CCDC62: variants seen among roughly 807,000 people sequenced by gnomAD.
CCDC62 encodes the protein coiled-coil domain containing 62, also known as coiled-coil domain-containing protein 62.
CCDC62 carries 72 observed loss-of-function variants against 80.8 expected under a neutral mutation model. That is an observed-to-expected ratio of 0.89 (90% CI 0.74 to 1.08). CCDC62 has a LOEUF of 1.08. Among genes scored for constraint, CCDC62 ranks in the 50% least tolerant of loss-of-function variants. The pLI, the probability that CCDC62 is intolerant of heterozygous loss-of-function variation, is 0.00. For missense variants in CCDC62, 704 were observed against 809.4 expected, an observed-to-expected ratio of 0.87 and a Z score of 1.58; for synonymous variants, 286 against 296.5, an observed-to-expected ratio of 0.96 and a Z score of 0.36.
intron 12 of CCDC62, among the ~76,000 whole-genome samples, chr12:122,824,107 G>A (rs1303397341): frequency 6.6e-6 from 1 of 151,914 alleles, no homozygotes; most frequent in East Asian, 1.9e-4. Context: ...TAATTATCAG[G>A]GGAATGCAAA....
At chr12:122,824,538 A>C (rs1394072728) in intron 12 of CCDC62, among the ~76,000 whole-genome samples, 1 of 152,232 alleles carries the variant, frequency 6.6e-6, no homozygotes, top group Non-Finnish European at 1.5e-5. Flanking sequence ...ATGTGGTAAA[A>C]AGGGAACACT....
chr12:122,775,804 G>A (rs1336554519), intron 1 of CCDC62, among the ~76,000 whole-genome samples: 1 of 152,188 alleles, frequency 6.6e-6, no homozygotes, highest in Non-Finnish European at 1.5e-5. Context: ...GTAGAGACAG[G>A]GTTTCGCCAT....
chr12:122,782,475 T>C (rs2029925906), intron 3 of CCDC62, among the ~76,000 whole-genome samples: 1 of 152,302 alleles, frequency 6.6e-6, no homozygotes, highest in Admixed American at 6.5e-5. Flanking sequence ...GTGTTTTTTT[T>C]GAGATGGAGT....
Position 122,781,271 on chromosome 12 carries a change from C to A in CCDC62, c.337C>A (p.Gln113Lys). ...CQTALQKTQL[Q>K]LQEMAQKATH... is the part of the protein sequence containing the mutation. ...AACAGCTCTCCAAAAGACCCAACTACAGCTTCAGGAAATGGCTCAAAAGGC... is the reference window on the plus strand; with the variant it reads ...AACAGCTCTCCAAAAGACCCAACTAAAGCTTCAGGAAATGGCTCAAAAGGC... The change falls in exon 3 of 13, where the codon CAG becomes AAG. Residue 113 changes from glutamine to lysine, a missense_variant. Physicochemically the swap from Gln to Lys is moderately conservative, Grantham distance 53. Coordinates refer to ENST00000253079, the MANE Select transcript of CCDC62 (RefSeq NM_201435.5). The A allele has an allele frequency of 6.2e-7, 1 of 1,614,100 alleles. No homozygotes were observed. Among genetic ancestry groups the A allele is most frequent in the Non-Finnish European group, 8.5e-7 (1 of 1,179,952 alleles).
In CCDC62 at chr12:122,774,583, G is replaced by GC. The variant is rs980255869; in HGVS notation, c.-83dup. 1.9e-5 allele frequency: 20 copies of GC among 1,050,204 alleles called. No homozygotes were observed. The African/African-American group carries it at 2.7e-4, about 14-fold the overall frequency. 65.1% of individuals were successfully genotyped at this position (1,050,204 alleles called of 1,614,324 possible). Reference sequence around the variant, plus strand: ...CGCGGGGCCCCGGGGCTCCGGGCTCGCCCCCGCCGCTCGGGGCAGGCGCGC... The same window carrying GC: ...CGCGGGGCCCCGGGGCTCCGGGCTCGCCCCCCGCCGCTCGGGGCAGGCGCGC... On this transcript the variant is annotated 5_prime_UTR_variant, in exon 1 of 13. Coordinates refer to ENST00000253079, the MANE Select transcript of CCDC62 (RefSeq NM_201435.5).
chr12:122,795,582 C>CAA (rs2135550756), intron 6 of CCDC62, among the ~76,000 whole-genome samples: 2 of 152,106 alleles, frequency 1.3e-5, no homozygotes, highest in East Asian at 3.9e-4. Context: ...CGCCACCATG[C>CAA]CCAGCTAATT....
chr12:122,802,607 T>C (rs1244750245), intron 9 of CCDC62, among the ~76,000 whole-genome samples: 2 of 151,736 alleles, frequency 1.3e-5, no homozygotes, highest in East Asian at 3.9e-4. Flanking sequence ...AAAGATGGGG[T>C]CTCACCATAT....
intron 11 of CCDC62, among the ~76,000 whole-genome samples, chr12:122,816,577 T>A (rs898270169): frequency 6.6e-6 from 1 of 152,082 alleles, no homozygotes; most frequent in Non-Finnish European, 1.5e-5. Flanking sequence ...TAAAAAATTT[T>A]TTTTAATTAG....
chr12:122,806,120 A>G, intron 9 of CCDC62, 31 bp from the exon 10 acceptor site: 3 of 1,592,664 alleles, frequency 1.9e-6, no homozygotes, highest in Non-Finnish European at 2.6e-6. Flanking sequence ...GTTTTAAGAT[A>G]TTTGTTTTTG....
chr12:122,798,449 A>G (rs1354753699), intron 8 of CCDC62, among the ~76,000 whole-genome samples: 2 of 152,022 alleles, frequency 1.3e-5, no homozygotes, highest in East Asian at 3.9e-4. Flanking sequence ...CTAAAAATAC[A>G]AACATTAGCC....
intron 10 of CCDC62, among the ~76,000 whole-genome samples, chr12:122,808,199 A>G (rs1227226358): frequency 5.3e-5 from 8 of 152,154 alleles, no homozygotes; most frequent in Non-Finnish European, 8.8e-5. Context: ...CAGGATGCTG[A>G]GGCAGAAGAA....
At chr12:122,813,217 G>A in intron 10 of CCDC62, 53 bp from the exon 11 acceptor site, 1 of 1,512,902 alleles carries the variant, frequency 6.6e-7, no homozygotes, top group Non-Finnish European at 8.9e-7. Flanking sequence ...TAGGTAGTTA[G>A]CATTTGTGTT....
intron 11 of CCDC62, among the ~76,000 whole-genome samples, chr12:122,815,710 A>G (rs1180101116): frequency 6.6e-6 from 1 of 151,788 alleles, no homozygotes; most frequent in Admixed American, 6.6e-5. Flanking sequence ...GCCTCCCAAA[A>G]TGCTGGGATT....
chr12:122,793,970 C>G (rs149398683), intron 6 of CCDC62, among the ~76,000 whole-genome samples: 4 of 152,268 alleles, frequency 2.6e-5, no homozygotes, highest in African/African-American at 4.8e-5. Context: ...AGCATTTGTA[C>G]GCCAGGTGCC....
intron 12 of CCDC62, among the ~76,000 whole-genome samples, chr12:122,825,714 G>T (rs1408199951): frequency 6.6e-6 from 1 of 150,428 alleles, no homozygotes; most frequent in Non-Finnish European, 1.5e-5. Flanking sequence ...AGCTGGGCGC[G>T]GTGGCTCACA....
intron 3 of CCDC62, among the ~76,000 whole-genome samples, chr12:122,783,453 C>G (rs2936730): frequency 0.8 from 121,085 of 151,724 alleles, 49,257 homozygotes; most frequent in Middle Eastern, 0.9. Flanking sequence ...GTTTCGATCT[C>G]CTGACCTCGT....
At chr12:122,818,468 A>G (rs2032261557) in intron 11 of CCDC62, among the ~76,000 whole-genome samples, 1 of 150,878 alleles carries the variant, frequency 6.6e-6, no homozygotes, top group African/African-American at 2.4e-5. Context: ...AAAAAAAAAA[A>G]AAAAAATTAA....
intron 3 of CCDC62, among the ~76,000 whole-genome samples, chr12:122,784,244 C>T (rs971991983): frequency 2.0e-5 from 3 of 152,164 alleles, no homozygotes; most frequent in African/African-American, 4.8e-5. Flanking sequence ...GCTGGGAGGC[C>T]GGGCGCGGTG....
At chr12:122,779,633 C>T (rs895665336) in intron 2 of CCDC62, among the ~76,000 whole-genome samples, 3 of 152,066 alleles carry the variant, frequency 2.0e-5, no homozygotes, top group Non-Finnish European at 2.9e-5. Flanking sequence ...AAAGGCCTGG[C>T]GCTGTGGCTC....
Sources: gnomAD v4.1 joint callset for allele counts (sites outside exome capture counted in the v4.1 genomes callset) on GRCh38, gnomAD v4.1.1 for gene constraint, MANE v1.5 for transcripts, NCBI Gene and HGNC (gene_info 2026-07-23, HGNC 2026-07-21) for gene names.